The following IPO5 variants were observed in gnomAD, a reference collection of about 807,000 sequenced individuals.
The protein encoded by IPO5 is importin-5.
Under a neutral mutation model 143.3 loss-of-function variants are expected in IPO5, and 18 were observed. The ratio of observed to expected loss-of-function variants is 0.13; its 90% CI spans 0.09 to 0.19. The LOEUF is 0.19. Among genes scored for constraint, IPO5 ranks in the 10% least tolerant of loss-of-function variants. The pLI is 1.00. For synonymous variants in IPO5, 477 were observed against 465.7 expected, an observed-to-expected ratio of 1.02 and a Z score of -0.31; for missense variants, 1,013 against 1,336.9, an observed-to-expected ratio of 0.76 and a Z score of 3.78.
chr13:97,994,064 TGGGAG>T (rs1183329654), intron 11 of IPO5, among the ~76,000 whole-genome samples: 2 of 152,210 alleles, frequency 1.3e-5, no homozygotes, highest in East Asian at 3.8e-4. Context: ...CCCAACACTT[TGGGAG>T]GCCGAGGCGG....
chr13:98,004,394 T>C (rs1257079045), intron 16 of IPO5, among the ~76,000 whole-genome samples: 1 of 152,232 alleles, frequency 6.6e-6, no homozygotes, highest in South Asian at 2.1e-4. Flanking sequence ...AAGGAAACAT[T>C]CGTGTGCCCG....
chr13:97,989,448 G>A (rs1387633929), intron 7 of IPO5, among the ~76,000 whole-genome samples: 1 of 151,892 alleles, frequency 6.6e-6, no homozygotes, highest in African/African-American at 2.4e-5. Context: ...CCTTTATTTG[G>A]AGATTAACAC....
chr13:97,984,048 G>A (rs1439098531), intron 5 of IPO5, among the ~76,000 whole-genome samples: 2 of 127,124 alleles, frequency 1.6e-5, no homozygotes, highest in African/African-American at 2.9e-5. Flanking sequence ...GCGGGATCTC[G>A]GCTCACTGCA....
At chr13:97,962,308 C>T (rs774623086) in intron 2 of IPO5, among the ~76,000 whole-genome samples, 3 of 152,126 alleles carry the variant, frequency 2.0e-5, no homozygotes, top group Non-Finnish European at 2.9e-5. Context: ...TACCCCAAAG[C>T]GATGAAGATT....
At chr13:97,998,221 C>T (rs568458791) in intron 12 of IPO5, among the ~76,000 whole-genome samples, 6 of 152,330 alleles carry the variant, frequency 3.9e-5, no homozygotes, top group East Asian at 1.9e-4. Flanking sequence ...ATGATCCGCC[C>T]GCCTCGGCCT....
chr13:98,000,607 C>T lies in IPO5; in HGVS notation c.1070C>T (p.Pro357Leu), dbSNP rs943657196. The change falls in exon 13 of 29, where the codon CCG (proline) becomes CTG (leucine). Residue 357 changes from proline (P) to leucine (L), a missense_variant. Physicochemically the swap from Pro to Leu is moderately conservative, Grantham distance 98. This residue lies in a region of IPO5 where 685 missense variants were observed against 994.9 expected (regional missense o/e 0.69). Transcript: ENST00000651721. ...GGACTTGGTGGAAAGCTCGTTCTGC[C>T]GATGATCAAGGAACACATTATGCAA... is the stretch of plus-strand genomic sequence containing the variant. Reference protein sequence around the residue: ...ACGLGGKLVLPMIKEHIMQML... With the variant: ...ACGLGGKLVLLMIKEHIMQML... 1.9e-6 allele frequency: 3 copies of T among 1,613,876 alleles called. No homozygotes were observed. The highest frequency in any genetic ancestry group is 2.5e-6 in the Non-Finnish European group (3 of 1,179,950).
At chr13:98,018,799 T>C (rs1392700584) in intron 26 of IPO5, 95 bp downstream of exon 26, 21 of 849,090 alleles carry the variant, frequency 2.5e-5, no homozygotes, top group Non-Finnish European at 3.7e-5. Context: ...ATTATTTGCC[T>C]ATTTCTGCTG....
chr13:97,982,286 T>C (rs1435667583), intron 4 of IPO5: 1 of 474,176 alleles, frequency 2.1e-6, no homozygotes, highest in Non-Finnish European at 3.7e-6. Flanking sequence ...TAGAAACATT[T>C]GTTTAAGAGA....
chr13:97,953,770 G>A lies in IPO5; in HGVS notation c.-193+54G>A, dbSNP rs540197924. The A allele has an allele frequency of 4.8e-4, 174 of 366,034 alleles. 2 individuals are homozygous for A. The highest frequency in any genetic ancestry group is 3.6e-3 in the South Asian group (171 of 46,908). 22.7% of individuals were successfully genotyped at this position (366,034 alleles called of 1,614,324 possible). ...ATGAAACCATTTAAGAATTTCATCT[G>A]CACTGAGGAACAATTTAGCGTGATA... On this transcript the variant is annotated intron_variant, in intron 1 of 28. Coordinates refer to ENST00000651721, the MANE Select transcript of IPO5 (RefSeq NM_002271.6).
intron 2 of IPO5, among the ~76,000 whole-genome samples, chr13:97,968,610 A>C (rs1464521500): frequency 6.6e-6 from 1 of 152,172 alleles, no homozygotes; most frequent in African/African-American, 2.4e-5. Context: ...TTTATTATAA[A>C]AATGTCCTCT....
At chr13:97,957,574 G>A (rs992683920) in intron 2 of IPO5, among the ~76,000 whole-genome samples, 1 of 152,022 alleles carries the variant, frequency 6.6e-6, no homozygotes, top group African/African-American at 2.4e-5. Context: ...ATATTAGTTG[G>A]TAGGAGGCCT....
At chr13:97,995,205 A>G (rs1403584246) in intron 11 of IPO5, among the ~76,000 whole-genome samples, 13 of 130,842 alleles carry the variant, frequency 9.9e-5, no homozygotes, top group Admixed American at 7.1e-4. Context: ...TTTGTTTAAT[A>G]GGTTTATGGG....
chr13:97,996,053 C>T (rs938439496), intron 11 of IPO5, among the ~76,000 whole-genome samples: 1 of 152,126 alleles, frequency 6.6e-6, no homozygotes, highest in Non-Finnish European at 1.5e-5. Flanking sequence ...GTTTTGTTAT[C>T]TAGAGAATAC....
rs78454734 is a variant in IPO5 at position 98,010,510 on chromosome 13, A to G, written c.2055+286A>G. Among the ~76,000 whole-genome samples, 2,238 of 152,262 alleles carry G rather than the reference A, an allele frequency of 0.015. 68 individuals carry two copies. The highest frequency in any genetic ancestry group is 0.051 in the African/African-American group (2,138 of 41,536). ...CCATTACAAAAAGTTTATAAGCTACATGAGGGAAGGATTTTTGTTGGTTTT... is the reference window on the plus strand; with the variant it reads ...CCATTACAAAAAGTTTATAAGCTACGTGAGGGAAGGATTTTTGTTGGTTTT... On this transcript the variant is annotated intron_variant, in intron 20 of 28. Transcript: ENST00000651721.
chr13:97,991,524 T>G (rs1218834135), intron 9 of IPO5, among the ~76,000 whole-genome samples: 1 of 152,240 alleles, frequency 6.6e-6, no homozygotes, highest in Non-Finnish European at 1.5e-5. Context: ...TAGAAGTGTT[T>G]CGGATCTCAA....
chr13:97,981,403 A>G (rs1483136178), intron 4 of IPO5: 5 of 353,716 alleles, frequency 1.4e-5, no homozygotes, highest in African/African-American at 6.6e-5. Flanking sequence ...GATCTTAGGC[A>G]AGTCATTAAC....
In IPO5 at chr13:97,954,152, G is replaced by A. The variant is rs1390996138; in HGVS notation, c.-159G>A. The A allele has an allele frequency of 8.9e-6, 2 of 224,062 alleles. No individual in the cohort carries two copies. The highest frequency in any genetic ancestry group is 1.8e-5 in the Non-Finnish European group (2 of 109,676). 13.9% of individuals were successfully genotyped at this position (224,062 alleles called of 1,614,324 possible). On this transcript the variant is annotated 5_prime_UTR_variant, in exon 2 of 29. In the 5' UTR this introduces an upstream ATG that the reference lacks. Coordinates refer to ENST00000651721, the MANE Select transcript of IPO5 (RefSeq NM_002271.6). Reference sequence around the variant, plus strand: ...GGGGAGAAGCCTTTCCAGGACCCATGTGTAGGCACAACTGTTTTCCCTGAT... The same window carrying A: ...GGGGAGAAGCCTTTCCAGGACCCATATGTAGGCACAACTGTTTTCCCTGAT...
Position 97,997,236 on chromosome 13 carries a change from G to A in IPO5, c.914-295G>A, listed in dbSNP as rs182745324. On this transcript the variant is annotated intron_variant, in intron 11 of 28. Coordinates refer to ENST00000651721, the MANE Select transcript of IPO5 (RefSeq NM_002271.6). ...AGTTCAAGTGTGAAAAAACAATTGC[G>A]GAATGAGAAACATTTGTGATGTTGC... Among the ~76,000 whole-genome samples the A allele has an allele frequency of 2.6e-4, 39 of 152,284 alleles. 1 individual carries two copies. Among genetic ancestry groups the A allele is most frequent in the South Asian group, 1.2e-3 (6 of 4,824 alleles).
intron 20 of IPO5, among the ~76,000 whole-genome samples, chr13:98,012,020 C>CTT (rs941288485): frequency 6.9e-6 from 1 of 145,914 alleles, no homozygotes. Context: ...CAATAATTTC[C>CTT]TTTTTTTTTT....
Sources: allele counts gnomAD v4.1 joint callset (sites outside exome capture counted in the v4.1 genomes callset), GRCh38; gene constraint gnomAD v4.1.1; regional missense constraint gnomAD v4.1.1; transcripts MANE v1.5; gene names NCBI Gene and HGNC (gene_info 2026-07-23, HGNC 2026-07-21).